The following BCL11B variants were observed in gnomAD, a reference collection of about 807,000 sequenced individuals.
BCL11B encodes B-cell lymphoma/leukemia 11B.
Under a neutral mutation model 49.9 loss-of-function variants are expected in BCL11B, and 8 were observed. The observed-to-expected ratio is 0.16, with a 90% CI of 0.09 to 0.29. The LOEUF is 0.29. BCL11B is among the 10% of genes least tolerant of loss of function. The probability of loss-of-function intolerance (pLI) is 1.00; values close to 1 mark genes in which losing one functional copy is unlikely to be tolerated. For missense variants in BCL11B, 1,006 were observed against 1,351.0 expected (o/e 0.74, Z 4.00); for synonymous variants, 739 against 637.4 (o/e 1.16, Z -2.40).
chr14:99,218,232 ATTTTTTT>A (rs34932370), intron 3 of BCL11B, among the ~76,000 whole-genome samples: 2 of 112,888 alleles, frequency 1.8e-5, no homozygotes. Context: ...TGCCTGGCTA[ATTTTTTT>A]TTTTTTTTTT....
Position 99,228,186 on chromosome 14 carries a change from G to A in BCL11B, c.640+3159C>T, listed in dbSNP as rs1245345779. On this transcript the variant is annotated intron_variant, in intron 3 of 3. Transcript: ENST00000357195. The surrounding 1 kb of genome is among the most constrained non-coding windows in gnomAD (Gnocchi z 4.8). ...CCTGATCCGAAAAGGGACAAAACCA[G>A]GTAAGGACAGCAGGCCCATTCCATC... Among the ~76,000 whole-genome samples, 2 of 152,200 alleles carry A rather than the reference G, an allele frequency of 1.3e-5. No individual in the cohort carries two copies. The highest frequency in any genetic ancestry group is 1.5e-5 in the Non-Finnish European group (1 of 68,036).
In BCL11B at chr14:99,223,569, T is replaced by C. The variant is rs1888073435; in HGVS notation, c.640+7776A>G. 1.3e-5 allele frequency among the ~76,000 whole-genome samples: 2 copies of C among 152,208 alleles called. 1 individual carries two copies. The highest frequency in any genetic ancestry group is 4.1e-4 in the South Asian group (2 of 4,832). On this transcript the variant is annotated intron_variant, in intron 3 of 3. Coordinates refer to ENST00000357195, the MANE Select transcript of BCL11B (RefSeq NM_138576.4). ...TTAATACGGCGCTGCTCCATGAGGATGAGCATATGTATGCCCCATTTCCAG... is the reference window on the plus strand; with the variant it reads ...TTAATACGGCGCTGCTCCATGAGGACGAGCATATGTATGCCCCATTTCCAG...
At chr14:99,210,011 C>T (rs988904962) in intron 3 of BCL11B, among the ~76,000 whole-genome samples, 1 of 151,896 alleles carries the variant, frequency 6.6e-6, no homozygotes, top group African/African-American at 2.4e-5. Flanking sequence ...TGAGGTGGTG[C>T]ACCCTCTTAC....
At chr14:99,233,255 G>A (rs986247419) in intron 2 of BCL11B, among the ~76,000 whole-genome samples, 2 of 152,120 alleles carry the variant, frequency 1.3e-5, no homozygotes, top group African/African-American at 4.8e-5. Context: ...AGGGCTCTGG[G>A]TCATCCATCA....
rs74403457 is a variant in BCL11B, at chr14:99,205,456, A to T, written c.640+25889T>A. Among the ~76,000 whole-genome samples, 2,202 of 152,264 alleles carry T rather than the reference A, an allele frequency of 0.014. 51 individuals carry two copies. Among genetic ancestry groups the T allele is most frequent in the East Asian group, 0.09 (466 of 5,162 alleles). On this transcript the variant is annotated intron_variant, in intron 3 of 3. Transcript: ENST00000357195. The surrounding 1 kb of genome is among the most constrained non-coding windows in gnomAD (Gnocchi z 5.0). ...CTCCCACTTCTACAATGACTGGTTA[A>T]ATGCGCCCAAGGACCAGGCGCTCGC...
At position 99,247,065 on chromosome 14, in the gene BCL11B, C is replaced by G. The variant is rs1331848027; in HGVS notation, c.427+10406G>C. Among the ~76,000 whole-genome samples the G allele has an allele frequency of 2.0e-5, 3 of 152,162 alleles. No individual in the cohort carries two copies. The highest frequency in any genetic ancestry group is 4.4e-5 in the Non-Finnish European group (3 of 68,032). Reference sequence around the variant, plus strand: ...ACACGCTGTTTTCAGCGTTCCAGACCACAGCGCTGCAGTCTACGCTGCCCT... The same window carrying G: ...ACACGCTGTTTTCAGCGTTCCAGACGACAGCGCTGCAGTCTACGCTGCCCT... On this transcript the variant is annotated intron_variant, in intron 2 of 3. Coordinates refer to ENST00000357195, the MANE Select transcript of BCL11B (RefSeq NM_138576.4). This position sits in a 1 kb window ranked among gnomAD's most constrained non-coding sequence, Gnocchi z 4.5.
At position 99,231,283 on chromosome 14, in the gene BCL11B, G is replaced by A. The variant is rs1005431271; in HGVS notation, c.640+62C>T. On this transcript the variant is annotated intron_variant, in intron 3 of 3. Coordinates refer to ENST00000357195, the MANE Select transcript of BCL11B (RefSeq NM_138576.4). The surrounding 1 kb of genome is among the most constrained non-coding windows in gnomAD (Gnocchi z 8.1). ...CCCTGGGTCCCCACCTTGCTCCAGC[G>A]CTGCCCATGGCACACCCCGCCATCC... 10 of 1,543,616 alleles carry A rather than the reference G, an allele frequency of 6.5e-6. No individual in the cohort carries two copies. The East Asian group carries it at 1.4e-4, about 22-fold the overall frequency.
rs770419592 is a variant in BCL11B, at chr14:99,175,346, G to A, written c.1490C>T (p.Ser497Phe). 3.2e-6 allele frequency: 5 copies of A among 1,559,946 alleles called. No homozygotes were observed. The highest frequency in any genetic ancestry group is 1.2e-5 in the South Asian group (1 of 86,858). The change falls in exon 4 of 4, where the codon TCC becomes TTC. Residue 497 changes from serine (S) to phenylalanine (F), a missense_variant. By Grantham distance (155) the Ser-to-Phe change is radical (BLOSUM62 -2). Transcript: ENST00000357195. The stretch of plus-strand genomic sequence containing the variant: ...CAGCTCGCTGGTGCCGGGCTCGGGG[G>A]AGCTGGCGGCCGAGAGCCCGTCGTC... Reference protein sequence around the residue: ...RSDDGLSAASSPEPGTSELAG... With the variant: ...RSDDGLSAASFPEPGTSELAG...
intron 3 of BCL11B, among the ~76,000 whole-genome samples, chr14:99,196,008 C>A (rs1300055323): frequency 6.6e-6 from 1 of 152,100 alleles, no homozygotes. Context: ...ATGAAGAAGC[C>A]CATGAGCCAA....
chr14:99,253,759 C>T (rs1709027557), intron 2 of BCL11B, among the ~76,000 whole-genome samples: 1 of 152,218 alleles, frequency 6.6e-6, no homozygotes, highest in Admixed American at 6.5e-5. Flanking sequence ...CCTGGAACAC[C>T]TCTCAGCTCC....
chr14:99,170,258 C>T lies in BCL11B; in HGVS notation c.*3893G>A, dbSNP rs1186256821. On this transcript the variant is annotated 3_prime_UTR_variant, in exon 4 of 4. Coordinates refer to ENST00000357195, the MANE Select transcript of BCL11B (RefSeq NM_138576.4). ...CTCAGCTTTCTCTCCCATTCCCTCC[C>T]CCCTTTTTTTTAACTTTGCAAAGGT... 4.5e-6 allele frequency: 1 copy of T among 221,956 alleles called. No individual in the cohort carries two copies. The highest frequency in any genetic ancestry group is 9.0e-6 in the Non-Finnish European group (1 of 110,896). The allele number at this position is 221,956 out of a possible 1,614,324, so 13.7% of individuals were successfully genotyped here.
chr14:99,177,866 G>A (rs1366106604), intron 3 of BCL11B, among the ~76,000 whole-genome samples: 1 of 152,098 alleles, frequency 6.6e-6, no homozygotes, highest in African/African-American at 2.4e-5. Context: ...GTTTCTGGAA[G>A]GCTGCACTCT....
Position 99,242,276 on chromosome 14 carries a change from A to G in BCL11B, c.428-10719T>C, listed in dbSNP as rs896445254. On this transcript the variant is annotated intron_variant, in intron 2 of 3. Transcript: ENST00000357195. The surrounding 1 kb of genome is among the most constrained non-coding windows in gnomAD (Gnocchi z 4.4). ...CAGACAATATTTACATGGGCGTTGCATGATCTTGTCCCCCTGCTTCCCTAC... is the reference window on the plus strand; with the variant it reads ...CAGACAATATTTACATGGGCGTTGCGTGATCTTGTCCCCCTGCTTCCCTAC... Among the ~76,000 whole-genome samples the G allele has an allele frequency of 2.0e-5, 3 of 152,242 alleles. No homozygotes were observed. The highest frequency in any genetic ancestry group is 7.2e-5 in the African/African-American group (3 of 41,462).
At chr14:99,193,128 C>T (rs1887085569) in intron 3 of BCL11B, among the ~76,000 whole-genome samples, 2 of 152,128 alleles carry the variant, frequency 1.3e-5, no homozygotes, top group Non-Finnish European at 2.9e-5. Context: ...AGGGGCCTTC[C>T]AGGTACAATT....
Position 99,248,414 on chromosome 14 carries a change from C to T in BCL11B, c.427+9057G>A, listed in dbSNP as rs1888909754. ...CCACTCCCTGTGTGCCCAGAGGTCA[C>T]TGGCCGCCCCCAGCAGGCTCTGGGC... is the stretch of plus-strand genomic sequence containing the variant. On this transcript the variant is annotated intron_variant, in intron 2 of 3. Coordinates refer to ENST00000357195, the MANE Select transcript of BCL11B (RefSeq NM_138576.4). This position sits in a 1 kb window ranked among gnomAD's most constrained non-coding sequence, Gnocchi z 4.7. 6.6e-6 allele frequency among the ~76,000 whole-genome samples: 1 copy of T among 152,218 alleles called. No individual in the cohort carries two copies. The highest frequency in any genetic ancestry group is 6.5e-5 in the Admixed American group (1 of 15,294).
At chr14:99,214,643 G>A (rs1199477168) in intron 3 of BCL11B, among the ~76,000 whole-genome samples, 2 of 150,926 alleles carry the variant, frequency 1.3e-5, no homozygotes, top group East Asian at 1.9e-4. Flanking sequence ...CATGTATCCC[G>A]GAACCTAAAA....
chr14:99,240,788 T>A (rs546004641), intron 2 of BCL11B, among the ~76,000 whole-genome samples: 1 of 152,224 alleles, frequency 6.6e-6, no homozygotes, highest in Non-Finnish European at 1.5e-5. Context: ...ACTAATTTAA[T>A]AAAGATTGTT....
chr14:99,189,776 C>T (rs1234167727), intron 3 of BCL11B, among the ~76,000 whole-genome samples: 1 of 152,132 alleles, frequency 6.6e-6, no homozygotes, highest in African/African-American at 2.4e-5. Flanking sequence ...CGAGGTAGAG[C>T]GGGGGATGAG....
Position 99,257,001 on chromosome 14 carries a change from G to A in BCL11B, c.427+470C>T, listed in dbSNP as rs112333153. ...TCCTAAGTGCCTACCAGGTCATGCC[G>A]CATGCAACAGCTCATTCGTCCTCAC... On this transcript the variant is annotated intron_variant, in intron 2 of 3. Coordinates refer to ENST00000357195, the MANE Select transcript of BCL11B (RefSeq NM_138576.4). The surrounding 1 kb of genome is among the most constrained non-coding windows in gnomAD (Gnocchi z 6.2). 3.3e-5 allele frequency among the ~76,000 whole-genome samples: 5 copies of A among 152,118 alleles called. No individual in the cohort carries two copies. The highest frequency in any genetic ancestry group is 1.9e-4 in the East Asian group (1 of 5,182).
Sources: gnomAD v4.1 joint callset for allele counts (sites outside exome capture counted in the v4.1 genomes callset) on GRCh38, gnomAD v4.1.1 for gene constraint, Gnocchi (gnomAD v3.1) non-coding constraint, MANE v1.5 for transcripts, NCBI Gene and HGNC (gene_info 2026-07-23, HGNC 2026-07-21) for gene names.